Variants in SLC1A3 observed in about 807,000 individuals in gnomAD.
The protein encoded by SLC1A3 is solute carrier family 1 member 3, also known as excitatory amino acid transporter 1.
Under a neutral mutation model 48.1 loss-of-function variants are expected in SLC1A3, and 21 were observed. The observed-to-expected ratio is 0.44, with a 90% CI of 0.31 to 0.63. The LOEUF (loss-of-function observed/expected upper bound fraction) is 0.63, where lower values mean the gene tolerates loss of function less well. Among genes scored for constraint, SLC1A3 ranks in the 20% least tolerant of loss-of-function variants. The pLI is 0.08. For synonymous variants in SLC1A3, 239 were observed against 251.4 expected, an observed-to-expected ratio of 0.95 and a Z score of 0.47; for missense variants, 546 against 689.0, an observed-to-expected ratio of 0.79 and a Z score of 2.32.
chr5:36,640,688 T>C (rs1340086742), intron 3 of SLC1A3, among the ~76,000 whole-genome samples: 1 of 152,132 alleles, frequency 6.6e-6, no homozygotes, highest in African/African-American at 2.4e-5. Flanking sequence ...AGTAAGATGA[T>C]CGTAAGCTTC....
intron 2 of SLC1A3, among the ~76,000 whole-genome samples, chr5:36,612,287 A>G (rs1739235777): frequency 6.6e-6 from 1 of 152,192 alleles, no homozygotes; most frequent in East Asian, 1.9e-4. Flanking sequence ...AAATTTTTAT[A>G]AAGCATTTCC....
chr5:36,654,497 G>T (rs1261425725), intron 3 of SLC1A3, among the ~76,000 whole-genome samples: 1 of 152,088 alleles, frequency 6.6e-6, no homozygotes. Context: ...GCCTCCCTAA[G>T]ACTGGATGCT....
intron 3 of SLC1A3, among the ~76,000 whole-genome samples, chr5:36,655,864 AT>A (rs1741264101): frequency 6.6e-6 from 1 of 152,198 alleles, no homozygotes; most frequent in Non-Finnish European, 1.5e-5. Context: ...CTGTGGAATT[AT>A]GTTCACTACA....
At chr5:36,667,268 A>G (rs1741789275) in intron 3 of SLC1A3, among the ~76,000 whole-genome samples, 1 of 152,196 alleles carries the variant, frequency 6.6e-6, no homozygotes, top group South Asian at 2.1e-4. Context: ...TCTGGTGACC[A>G]GTGTTAATCA....
At chr5:36,655,388 C>G (rs768525574) in intron 3 of SLC1A3, among the ~76,000 whole-genome samples, 30 of 152,102 alleles carry the variant, frequency 2.0e-4, no homozygotes, top group Non-Finnish European at 2.9e-4. Flanking sequence ...AATTGTTAGG[C>G]AGTTTCAGAG....
At chr5:36,674,130 C>T (rs1280560475) in intron 5 of SLC1A3, 39 bp downstream of exon 5, 2 of 1,555,996 alleles carry the variant, frequency 1.3e-6, no homozygotes, top group East Asian at 2.2e-5. Flanking sequence ...TTTTAAATTC[C>T]TCTTTTCTAT....
chr5:36,678,724 A>G (rs1742312205), intron 6 of SLC1A3, among the ~76,000 whole-genome samples: 1 of 152,116 alleles, frequency 6.6e-6, no homozygotes, highest in African/African-American at 2.4e-5. Context: ...CTTTAAGCAA[A>G]CTCTAGGTTA....
In SLC1A3 at chr5:36,679,840, C is replaced by G; in HGVS notation, c.1074C>G (p.Thr358=). 6.2e-7 allele frequency: 1 copy of G among 1,613,370 alleles called. No homozygotes were observed. Among genetic ancestry groups the G allele is most frequent in the Middle Eastern group, 1.7e-4 (1 of 6,056 alleles). Residue 358 remains threonine (T), a synonymous_variant, in exon 7 of 10, where the codon ACC becomes ACG. Coordinates refer to ENST00000265113, the MANE Select transcript of SLC1A3 (RefSeq NM_004172.5). The part of the protein sequence containing the change: ...FIGGLLQALI[T]ALGTSSSSAT... The stretch of plus-strand genomic sequence containing the variant: ...GAGGGTTGCTGCAAGCACTCATCAC[C>G]GCTCTGGGGACCTCTTCAAGGTATG...
chr5:36,633,291 T>C (rs1740207426), intron 3 of SLC1A3, among the ~76,000 whole-genome samples: 1 of 152,154 alleles, frequency 6.6e-6, no homozygotes, highest in Non-Finnish European at 1.5e-5. Flanking sequence ...TCAGAAGAAA[T>C]CTTTGGTGTC....
intron 5 of SLC1A3, among the ~76,000 whole-genome samples, chr5:36,675,690 G>A (rs1447997567): frequency 6.6e-6 from 1 of 152,178 alleles, no homozygotes; most frequent in African/African-American, 2.4e-5. Context: ...AAAGAAATTT[G>A]AGAGTTGGTT....
At chr5:36,643,358 A>G (rs188528112) in intron 3 of SLC1A3, among the ~76,000 whole-genome samples, 1 of 152,128 alleles carries the variant, frequency 6.6e-6, no homozygotes, top group Non-Finnish European at 1.5e-5. Context: ...TCTTTTTATC[A>G]GGGTGGGTAT....
chr5:36,624,573 C>T (rs941484463), intron 2 of SLC1A3, among the ~76,000 whole-genome samples: 1 of 152,198 alleles, frequency 6.6e-6, no homozygotes, highest in African/African-American at 2.4e-5. Context: ...CGATACAATG[C>T]GTGAGGCAAT....
intron 8 of SLC1A3, among the ~76,000 whole-genome samples, chr5:36,683,056 C>G (rs972828970): frequency 6.6e-6 from 1 of 152,174 alleles, no homozygotes; most frequent in Non-Finnish European, 1.5e-5. Context: ...AATCATTTTG[C>G]TTTTGAATTA....
At chr5:36,621,521 G>T (rs905355930) in intron 2 of SLC1A3, among the ~76,000 whole-genome samples, 1 of 152,174 alleles carries the variant, frequency 6.6e-6, no homozygotes, top group Admixed American at 6.5e-5. Context: ...TTGGGAATAG[G>T]CTGGAGAGAG....
chr5:36,614,342 G>C (rs1020228923), intron 2 of SLC1A3, among the ~76,000 whole-genome samples: 1 of 152,316 alleles, frequency 6.6e-6, no homozygotes, highest in South Asian at 2.1e-4. Flanking sequence ...GGCATTTGGG[G>C]AGGCTGGGGG....
chr5:36,683,800 G>A (rs1742535698), intron 8 of SLC1A3, 64 bp from the exon 9 acceptor site: 3 of 1,586,288 alleles, frequency 1.9e-6, no homozygotes, highest in South Asian at 2.2e-5. Flanking sequence ...GTATTTTGCA[G>A]CGTATATGCT....
At chr5:36,674,995 AG>A (rs922824740) in intron 5 of SLC1A3, among the ~76,000 whole-genome samples, 2 of 152,228 alleles carry the variant, frequency 1.3e-5, no homozygotes, top group African/African-American at 2.4e-5. Flanking sequence ...AAATATTAAA[AG>A]GGAAACAGAC....
intron 6 of SLC1A3, among the ~76,000 whole-genome samples, chr5:36,677,790 G>A (rs1236724565): frequency 6.6e-6 from 1 of 152,220 alleles, no homozygotes; most frequent in Non-Finnish European, 1.5e-5. Context: ...GAAGAAGGGT[G>A]TTTCCAGTAA....
intron 3 of SLC1A3, 112 bp downstream of exon 3, chr5:36,629,699 G>GGA: frequency 1.5e-6 from 1 of 675,888 alleles, no homozygotes; most frequent in Non-Finnish European, 2.5e-6. Context: ...CTCTGTTCTA[G>GGA]AAAAAAAAAA....
Sources: allele counts gnomAD v4.1 joint callset (sites outside exome capture counted in the v4.1 genomes callset), GRCh38; gene constraint gnomAD v4.1.1; transcripts MANE v1.5; gene names NCBI Gene and HGNC (gene_info 2026-07-23, HGNC 2026-07-21).